FARP1: variants seen among roughly 807,000 people sequenced by gnomAD.
FARP1 encodes the protein FERM, ARHGEF and pleckstrin domain-containing protein 1.
In FARP1, 52 loss-of-function variants were observed where a neutral mutation model predicts 128.8. That is an observed-to-expected ratio of 0.40 (90% confidence interval 0.32 to 0.51). The LOEUF (loss-of-function observed/expected upper bound fraction) is 0.51, where lower values mean the gene tolerates loss of function less well. Among genes scored for constraint, FARP1 ranks in the 20% least tolerant of loss-of-function variants. FARP1 has a pLI of 0.45. For missense variants in FARP1, 1,333 were observed against 1,367.9 expected, an observed-to-expected ratio of 0.97 and a Z score of 0.40; for synonymous variants, 580 against 551.8, an observed-to-expected ratio of 1.05 and a Z score of -0.72.
At chr13:98,415,298 T>C (rs780469650) in intron 16 of FARP1, among the ~76,000 whole-genome samples, 2 of 152,250 alleles carry the variant, frequency 1.3e-5, no homozygotes, top group Admixed American at 1.3e-4. Context: ...GTGATCGTGA[T>C]GAATACCTTT....
intron 2 of FARP1, among the ~76,000 whole-genome samples, chr13:98,277,149 C>CACACACACACACACACACACA (rs1566824323): frequency 4.9e-4 from 55 of 113,224 alleles, no homozygotes; most frequent in South Asian, 9.4e-4. Context: ...CACACACACA[C>CACACACACACACACACACACA]CCCATATGTA....
intron 2 of FARP1, among the ~76,000 whole-genome samples, chr13:98,255,361 C>T (rs1213694978): frequency 1.3e-5 from 2 of 152,058 alleles, no homozygotes; most frequent in African/African-American, 2.4e-5. Context: ...AATAGCCGGG[C>T]ATGGTGGCAG....
At chr13:98,379,748 T>C (rs1889820526) in intron 6 of FARP1, among the ~76,000 whole-genome samples, 2 of 152,166 alleles carry the variant, frequency 1.3e-5, no homozygotes, top group African/African-American at 2.4e-5. Context: ...ATGTAAATGC[T>C]ATGTAGTTAC....
rs747036059 is a variant in FARP1 at position 98,395,492 on chromosome 13, C to G, written c.1414+16C>G. The G allele has an allele frequency of 1.9e-6, 3 of 1,561,402 alleles. No individual in the cohort carries two copies. In the South Asian group the frequency reaches 3.5e-5, roughly 18 times the overall value. On this transcript the variant is annotated intron_variant, in intron 13 of 26. Coordinates refer to ENST00000319562, the MANE Select transcript of FARP1 (RefSeq NM_005766.4). The stretch of plus-strand genomic sequence containing the variant: ...CCAAGCACAGGTCCAGCATCCCGGG[C>G]TGCCAGAGGCAGCAGTACTTCCATT...
intron 2 of FARP1, among the ~76,000 whole-genome samples, chr13:98,265,600 T>C (rs1427281962): frequency 1.3e-5 from 2 of 152,048 alleles, no homozygotes; most frequent in East Asian, 3.9e-4. Context: ...ATTACAGGCG[T>C]GAGCCACCGC....
chr13:98,163,924 GTC>G (rs1363375329), intron 1 of FARP1, among the ~76,000 whole-genome samples: 2 of 152,032 alleles, frequency 1.3e-5, no homozygotes, highest in Non-Finnish European at 2.9e-5. Context: ...GGCCAGGCTG[GTC>G]TTGAACTCCT....
At chr13:98,364,465 T>C (rs1889000674) in intron 3 of FARP1, among the ~76,000 whole-genome samples, 1 of 152,270 alleles carries the variant, frequency 6.6e-6, no homozygotes, top group Non-Finnish European at 1.5e-5. Flanking sequence ...TTCTGTTAGC[T>C]GTTGGCATTT....
At chr13:98,426,781 A>AC in intron 17 of FARP1, among the ~76,000 whole-genome samples, 1 of 152,254 alleles carries the variant, frequency 6.6e-6, no homozygotes. Context: ...ATTACCTAAG[A>AC]TGTTCCATAG....
At chr13:98,210,553 C>CTTT (rs146886503) in intron 1 of FARP1, among the ~76,000 whole-genome samples, 5 of 144,338 alleles carry the variant, frequency 3.5e-5, no homozygotes, top group Admixed American at 6.8e-5. Context: ...GTTTTTCTAT[C>CTTT]TTTTCTTTTT....
At chr13:98,281,975 C>T (rs1884956856) in intron 2 of FARP1, among the ~76,000 whole-genome samples, 1 of 152,158 alleles carries the variant, frequency 6.6e-6, no homozygotes, top group African/African-American at 2.4e-5. Flanking sequence ...ATCCTCTGCC[C>T]ATCAGCCGAG....
At chr13:98,446,515 G>C (rs1228363558) in intron 25 of FARP1, 151 bp from the exon 26 acceptor site, 1 of 766,578 alleles carries the variant, frequency 1.3e-6, no homozygotes, top group Non-Finnish European at 2.1e-6. Context: ...TCACGTACAG[G>C]CAAACACTGG....
intron 3 of FARP1, among the ~76,000 whole-genome samples, chr13:98,362,086 A>G (rs1262897247): frequency 1.3e-5 from 2 of 152,178 alleles, no homozygotes; most frequent in African/African-American, 2.4e-5. Flanking sequence ...CAACATGGCG[A>G]AACACTGTCT....
intron 2 of FARP1, among the ~76,000 whole-genome samples, chr13:98,306,676 G>A (rs1341704009): frequency 4.4e-5 from 2 of 45,172 alleles, no homozygotes; most frequent in African/African-American, 1.3e-4. Flanking sequence ...CACCACACCC[G>A]GCTAACTTTT....
chr13:98,191,518 A>G (rs771145264), intron 1 of FARP1, among the ~76,000 whole-genome samples: 3 of 152,252 alleles, frequency 2.0e-5, no homozygotes, highest in Admixed American at 6.5e-5. Flanking sequence ...AAACCTGTTC[A>G]TACTGTATAG....
chr13:98,419,043 G>A (rs182121530), intron 16 of FARP1, among the ~76,000 whole-genome samples: 10 of 152,316 alleles, frequency 6.6e-5, no homozygotes, highest in Admixed American at 3.3e-4. Context: ...TGCCAAAGGC[G>A]CGGCGTTCCC....
chr13:98,435,981 T>C, intron 19 of FARP1: 1 of 431,408 alleles, frequency 2.3e-6, no homozygotes, highest in Non-Finnish European at 4.5e-6. Context: ...CCACAGAAGA[T>C]TTGAGATTGC....
intron 1 of FARP1, among the ~76,000 whole-genome samples, chr13:98,155,085 G>A (rs1594207343): frequency 6.6e-6 from 1 of 152,078 alleles, no homozygotes; most frequent in Non-Finnish European, 1.5e-5. Flanking sequence ...GGTGGCTCAC[G>A]CCTGTAATCC....
At chr13:98,257,614 AC>A (rs965908844) in intron 2 of FARP1, among the ~76,000 whole-genome samples, 2 of 152,210 alleles carry the variant, frequency 1.3e-5, no homozygotes, top group African/African-American at 4.8e-5. Context: ...TACTAAAGAT[AC>A]AAAAATTAGC....
chr13:98,156,895 C>T (rs1405540241), intron 1 of FARP1, among the ~76,000 whole-genome samples: 2 of 152,092 alleles, frequency 1.3e-5, no homozygotes, highest in Non-Finnish European at 2.9e-5. Context: ...GTTTTCCTTT[C>T]CTGAAAGGGG....
Sources: gnomAD v4.1 joint callset for allele counts (sites outside exome capture counted in the v4.1 genomes callset) on GRCh38, gnomAD v4.1.1 for gene constraint, MANE v1.5 for transcripts, NCBI Gene and HGNC (gene_info 2026-07-23, HGNC 2026-07-21) for gene names.